The following SEC23B variants were observed in gnomAD, a reference collection of about 807,000 sequenced individuals.
The protein encoded by SEC23B is protein transport protein Sec23B.
A neutral mutation model predicts 104.3 loss-of-function variants in SEC23B; 77 were observed. The observed-to-expected ratio is 0.74, with a 90% CI of 0.61 to 0.89. SEC23B has a LOEUF of 0.89. Ranked by LOEUF, SEC23B falls within the 40% of genes least tolerant of loss-of-function variation. The probability of loss-of-function intolerance (pLI) is 0.00; values close to 1 mark genes in which losing one functional copy is unlikely to be tolerated. For missense variants in SEC23B, 885 were observed against 949.4 expected, an observed-to-expected ratio of 0.93 and a Z score of 0.89; for synonymous variants, 338 against 332.5, an observed-to-expected ratio of 1.02 and a Z score of -0.18.
At chr20:18,542,470 A>G in intron 13 of SEC23B, 68 bp downstream of exon 13, 2 of 1,354,134 alleles carry the variant, frequency 1.5e-6, no homozygotes, top group Admixed American at 1.7e-5. Context: ...AGATACTTTA[A>G]CATTTGTTAG....
chr20:18,535,178 A>G (rs771913570), intron 11 of SEC23B, among the ~76,000 whole-genome samples: 4 of 151,470 alleles, frequency 2.6e-5, no homozygotes, highest in Non-Finnish European at 4.4e-5. Context: ...CCATGTAGAG[A>G]CACCCCCTGA....
Position 18,524,616 on chromosome 20 carries a change from T to G in SEC23B, c.550T>G (p.Ser184Ala). ...QVHELSCEGI[S>A]KSYVFRGTKD... Reference sequence around the variant, plus strand: ...TCATGAGCTAAGCTGTGAAGGAATCTCCAAAAGTTATGTCTTCCGAGGGAC... The same window carrying G: ...TCATGAGCTAAGCTGTGAAGGAATCGCCAAAAGTTATGTCTTCCGAGGGAC... The change falls in exon 5 of 20, where the codon TCC becomes GCC. Residue 184 changes from serine to alanine, a missense_variant. Ser to Ala is a moderately conservative substitution (Grantham distance 99). Transcript: ENST00000650089. 1 of 1,614,244 alleles carries G rather than the reference T, an allele frequency of 6.2e-7. No individual in the cohort carries two copies. The highest frequency in any genetic ancestry group is 8.5e-7 in the Non-Finnish European group (1 of 1,180,040).
upstream of SEC23B, chr20:18,507,766 C>T (rs1600220578): frequency 6.6e-6 from 1 of 152,504 alleles, no homozygotes; most frequent in East Asian, 1.9e-4. Flanking sequence ...ATACACCTGT[C>T]TTGCCCTGTT....
chr20:18,538,890 A>T (rs573850657), intron 12 of SEC23B, among the ~76,000 whole-genome samples: 11 of 152,138 alleles, frequency 7.2e-5, no homozygotes, highest in African/African-American at 2.4e-4. Flanking sequence ...CATCTTCAGG[A>T]TCCGCTTCTT....
intron 2 of SEC23B, among the ~76,000 whole-genome samples, chr20:18,511,324 G>A (rs529162144): frequency 6.6e-6 from 1 of 152,018 alleles, no homozygotes; most frequent in East Asian, 1.9e-4. Flanking sequence ...TTTTTTTTTG[G>A]CTGATAATCA....
Position 18,543,027 on chromosome 20 carries a change from A to G in SEC23B, c.1520A>G (p.Asp507Gly). The G allele has an allele frequency of 6.2e-7, 1 of 1,614,204 alleles. No individual in the cohort carries two copies. The highest frequency in any genetic ancestry group is 8.5e-7 in the Non-Finnish European group (1 of 1,180,024). Residue 507 changes from aspartate (D) to glycine (G), a missense_variant, in exon 14 of 20, where the codon GAT becomes GGT. Physicochemically the swap from Asp to Gly is moderately conservative, Grantham distance 94. Coordinates refer to ENST00000650089, the MANE Select transcript of SEC23B (RefSeq NM_006363.6). Reference protein sequence around the residue: ...RVTTIARNWADVQSQLRHIEA... With the variant: ...RVTTIARNWAGVQSQLRHIEA... ...AACTCTGGAATTGTCAGTTGGGCAG[A>G]TGTACAGAGTCAGCTCAGGCACATA... is the stretch of plus-strand genomic sequence containing the variant.
chr20:18,524,649 T>G lies in SEC23B; in HGVS notation c.583T>G (p.Leu195Val). 6.2e-7 allele frequency: 1 copy of G among 1,613,852 alleles called. No individual in the cohort carries two copies. Among genetic ancestry groups the G allele is most frequent in the South Asian group, 1.1e-5 (1 of 91,078 alleles). The part of the protein sequence containing the change: ...KSYVFRGTKD[L>V]TAKQIQDMLG... ...TTATGTCTTCCGAGGGACCAAGGATTTAACTGCAAAGCAAATACAGGTTTG... is the reference window on the plus strand; with the variant it reads ...TTATGTCTTCCGAGGGACCAAGGATGTAACTGCAAAGCAAATACAGGTTTG... The change falls in exon 5 of 20, where the codon TTA (leucine) becomes GTA (valine). Residue 195 changes from leucine to valine, a missense_variant. Transcript: ENST00000650089.
At chr20:18,519,115 T>A (rs1488553425) in intron 4 of SEC23B, among the ~76,000 whole-genome samples, 1 of 152,090 alleles carries the variant, frequency 6.6e-6, no homozygotes, top group Non-Finnish European at 1.5e-5. Flanking sequence ...TGTGTGGCGA[T>A]TAGGCCTGGT....
chr20:18,520,564 C>T (rs2060073722), intron 4 of SEC23B, among the ~76,000 whole-genome samples: 1 of 152,044 alleles, frequency 6.6e-6, no homozygotes, highest in East Asian at 1.9e-4. Flanking sequence ...TAAAATGTCT[C>T]GACCTAATAA....
At chr20:18,518,750 A>T (rs1487280209) in intron 4 of SEC23B, among the ~76,000 whole-genome samples, 2 of 152,090 alleles carry the variant, frequency 1.3e-5, no homozygotes, top group African/African-American at 4.8e-5. Flanking sequence ...TAGCTACCTT[A>T]TCAGCAGAAG....
chr20:18,544,515 G>C (rs1018979313), intron 14 of SEC23B, among the ~76,000 whole-genome samples: 1 of 152,134 alleles, frequency 6.6e-6, no homozygotes, highest in Non-Finnish European at 1.5e-5. Context: ...GAGCTAGCTG[G>C]GTCTTTTAGC....
At chr20:18,510,236 C>T (rs922601796) in intron 1 of SEC23B, among the ~76,000 whole-genome samples, 17 of 152,114 alleles carry the variant, frequency 1.1e-4, no homozygotes, top group African/African-American at 3.9e-4. Flanking sequence ...ACTGATAGGA[C>T]GTGTGATCTG....
At chr20:18,527,117 T>G (rs771115611) in intron 8 of SEC23B, among the ~76,000 whole-genome samples, 5 of 152,248 alleles carry the variant, frequency 3.3e-5, no homozygotes, top group African/African-American at 4.8e-5. Context: ...CTCGGGAGGC[T>G]GAGGCACGAG....
In SEC23B at chr20:18,524,677, C is replaced by T. The variant is rs2060118748; in HGVS notation, c.603+8C>T. On this transcript the variant is annotated splice_region_variant and intron_variant, in intron 5 of 19. Transcript: ENST00000650089. Reference sequence around the variant, plus strand: ...ACTGCAAAGCAAATACAGGTTTGTACCTTACTTGTACAGGAGCAGAAACAA... The same window carrying T: ...ACTGCAAAGCAAATACAGGTTTGTATCTTACTTGTACAGGAGCAGAAACAA... The T allele has an allele frequency of 6.2e-7, 1 of 1,603,816 alleles. No homozygotes were observed.
chr20:18,537,437 G>C (rs1319894358), intron 12 of SEC23B, among the ~76,000 whole-genome samples: 2 of 151,832 alleles, frequency 1.3e-5, no homozygotes, highest in Non-Finnish European at 2.9e-5. Context: ...CATGTCCTTT[G>C]TAGGGACATG....
At chr20:18,552,294 C>T (rs2060393916) in intron 17 of SEC23B, among the ~76,000 whole-genome samples, 1 of 152,122 alleles carries the variant, frequency 6.6e-6, no homozygotes, top group Non-Finnish European at 1.5e-5. Flanking sequence ...TAACTTTAAA[C>T]TTTTTTCAGC....
chr20:18,524,945 G>T lies in SEC23B; in HGVS notation c.614G>T (p.Gly205Val). Residue 205 changes from glycine (G) to valine (V), a missense_variant, in exon 6 of 20, where the codon GGC (glycine) becomes GTC (valine). Transcript: ENST00000650089. The part of the protein sequence containing the change: ...LTAKQIQDML[G>V]LTKPAMPMQQ... ...TTTTTTTTTTTTAAGGATATGTTGGGCCTGACCAAGCCAGCCATGCCCATG... is the reference window on the plus strand; with the variant it reads ...TTTTTTTTTTTTAAGGATATGTTGGTCCTGACCAAGCCAGCCATGCCCATG... 1 of 1,613,658 alleles carries T rather than the reference G, an allele frequency of 6.2e-7. No individual in the cohort carries two copies. The highest frequency in any genetic ancestry group is 8.5e-7 in the Non-Finnish European group (1 of 1,179,908).
intron 4 of SEC23B, among the ~76,000 whole-genome samples, chr20:18,523,260 G>A (rs376960865): frequency 1.3e-5 from 2 of 151,962 alleles, no homozygotes; most frequent in Non-Finnish European, 2.9e-5. Context: ...TAACACTCCT[G>A]CTTGAGGACC....
At position 18,515,679 on chromosome 20, in the gene SEC23B, G is replaced by T. The variant is rs1294787270; in HGVS notation, c.309G>T (p.Glu103Asp). 19 of 1,611,902 alleles carry T rather than the reference G, an allele frequency of 1.2e-5. No individual in the cohort carries two copies. Among genetic ancestry groups the T allele is most frequent in the Non-Finnish European group, 1.5e-5 (18 of 1,177,942 alleles). ...CTCCAGCTTATGGAGGCATATCTGAGGTGAATCAACCTGCCGAATTGATGC... is the reference window on the plus strand; with the variant it reads ...CTCCAGCTTATGGAGGCATATCTGATGTGAATCAACCTGCCGAATTGATGC... ...QFPPAYGGIS[E>D]VNQPAELMPQ... is the part of the protein sequence containing the mutation. Residue 103 changes from glutamate (E) to aspartate (D), a missense_variant, in exon 4 of 20, where the codon GAG becomes GAT. Physicochemically the swap from Glu to Asp is conservative, Grantham distance 45. Transcript: ENST00000650089.
Sources: gnomAD v4.1 joint callset for allele counts (sites outside exome capture counted in the v4.1 genomes callset) on GRCh38, gnomAD v4.1.1 for gene constraint, MANE v1.5 for transcripts, NCBI Gene and HGNC (gene_info 2026-07-23, HGNC 2026-07-21) for gene names.